INTS9: variants seen among roughly 807,000 people sequenced by gnomAD.
INTS9 encodes the protein protein related to CPSF subunits of 74 kDa.
A neutral mutation model predicts 79.7 loss-of-function variants in INTS9; 55 were observed. The ratio of observed to expected loss-of-function variants is 0.69; its 90% CI spans 0.56 to 0.86. The LOEUF (loss-of-function observed/expected upper bound fraction) is 0.86. INTS9 is among the 40% of genes least tolerant of loss of function. The probability of loss-of-function intolerance (pLI) is 0.00; values close to 1 mark genes in which losing one functional copy is unlikely to be tolerated. For synonymous variants in INTS9, 319 were observed against 325.2 expected, an observed-to-expected ratio of 0.98 and a Z score of 0.20; for missense variants, 721 against 831.5, an observed-to-expected ratio of 0.87 and a Z score of 1.64.
intron 8 of INTS9, among the ~76,000 whole-genome samples, chr8:28,807,759 G>A (rs563689036): frequency 3.3e-5 from 5 of 152,182 alleles, no homozygotes; most frequent in African/African-American, 9.7e-5. Flanking sequence ...TGCAGTAAGC[G>A]TGATGTTTAA....
At chr8:28,860,475 CTTT>C (rs769131992) in intron 1 of INTS9, among the ~76,000 whole-genome samples, 3 of 143,946 alleles carry the variant, frequency 2.1e-5, no homozygotes, top group African/African-American at 5.1e-5. Context: ...CCATTCTCTC[CTTT>C]TTTTTTTTTT....
chr8:28,876,966 GTCTTAT>G (rs1809427800), intron 1 of INTS9, among the ~76,000 whole-genome samples: 1 of 151,878 alleles, frequency 6.6e-6, no homozygotes, highest in Non-Finnish European at 1.5e-5. Context: ...GAAAAGACAT[GTCTTAT>G]TCTTAGACTC....
intron 1 of INTS9, among the ~76,000 whole-genome samples, chr8:28,882,392 T>C (rs1440735250): frequency 7.1e-6 from 1 of 140,576 alleles, no homozygotes; most frequent in Admixed American, 7.3e-5. Flanking sequence ...CTGCTGACCT[T>C]CCCTCCACTA....
At chr8:28,786,284 ATT>A (rs778149304) in intron 11 of INTS9, among the ~76,000 whole-genome samples, 16 of 143,318 alleles carry the variant, frequency 1.1e-4, no homozygotes, top group Non-Finnish European at 1.1e-4. Context: ...AAAATTTTAG[ATT>A]TTTTTTTTTT....
intron 4 of INTS9, among the ~76,000 whole-genome samples, chr8:28,846,334 T>C (rs1176717635): frequency 2.6e-5 from 4 of 151,608 alleles, no homozygotes; most frequent in South Asian, 4.1e-4. Flanking sequence ...ATATTCAATA[T>C]GGTATTTCAA....
chr8:28,772,858 TTA>T (rs1802630898), intron 14 of INTS9, among the ~76,000 whole-genome samples: 1 of 152,078 alleles, frequency 6.6e-6, no homozygotes, highest in Non-Finnish European at 1.5e-5. Flanking sequence ...CAGTGTATAC[TTA>T]TATAACTGGA....
chr8:28,834,362 C>G (rs1025168146), intron 6 of INTS9, among the ~76,000 whole-genome samples: 3 of 152,132 alleles, frequency 2.0e-5, no homozygotes, highest in Non-Finnish European at 4.4e-5. Flanking sequence ...TGGCCAACTT[C>G]ACACTCTCAA....
At position 28,835,235 on chromosome 8, in the gene INTS9, G is replaced by T. The variant is rs935704709; in HGVS notation, c.488+57C>A. ...ATAGAGGAAGAAATCAAATGAGACTGCTTTGCAAAGCACCTGGCTCTACAG... is the reference window on the plus strand; with the variant it reads ...ATAGAGGAAGAAATCAAATGAGACTTCTTTGCAAAGCACCTGGCTCTACAG... On this transcript the variant is annotated intron_variant, in intron 6 of 16. Coordinates refer to ENST00000521022, the MANE Select transcript of INTS9 (RefSeq NM_018250.4). The T allele has an allele frequency of 1.0e-5, 12 of 1,148,062 alleles. No homozygotes were observed. The Admixed American group carries it at 2.4e-4, about 23-fold the overall frequency. The allele number at this position is 1,148,062 out of a possible 1,614,324, so 71.1% of individuals were successfully genotyped here.
At chr8:28,820,137 A>G (rs1289375787) in intron 6 of INTS9, among the ~76,000 whole-genome samples, 2 of 152,190 alleles carry the variant, frequency 1.3e-5, no homozygotes, top group African/African-American at 4.8e-5. Flanking sequence ...TAATTGGAGC[A>G]TTTAGTCCAT....
At chr8:28,800,125 C>T (rs925351623) in intron 8 of INTS9, among the ~76,000 whole-genome samples, 3 of 152,158 alleles carry the variant, frequency 2.0e-5, no homozygotes, top group African/African-American at 7.2e-5. Flanking sequence ...TCTGAAGCTC[C>T]GTGAAGGCAA....
At chr8:28,844,042 C>T (rs541961998) in intron 4 of INTS9, among the ~76,000 whole-genome samples, 4 of 152,184 alleles carry the variant, frequency 2.6e-5, no homozygotes, top group Non-Finnish European at 4.4e-5. Context: ...GAACTGCTCA[C>T]ATGGAGATGA....
Position 28,775,750 on chromosome 8 carries a change from A to G in INTS9, c.1563+9T>C. The G allele has an allele frequency of 6.2e-7, 1 of 1,613,928 alleles. No homozygotes were observed. ...CTCTAGTTTAACCCTAGGAAGGAGA[A>G]CAGCTCACCTCTGGCATGATCTCGA... On this transcript the variant is annotated intron_variant, in intron 14 of 16. Coordinates refer to ENST00000521022, the MANE Select transcript of INTS9 (RefSeq NM_018250.4).
intron 11 of INTS9, among the ~76,000 whole-genome samples, chr8:28,782,897 C>T (rs1024043759): frequency 6.6e-6 from 1 of 152,174 alleles, no homozygotes; most frequent in Non-Finnish European, 1.5e-5. Context: ...AAAAAACCCC[C>T]AGCACTTTGG....
intron 14 of INTS9, among the ~76,000 whole-genome samples, chr8:28,772,764 A>G (rs1231818922): frequency 2.0e-5 from 3 of 151,674 alleles, no homozygotes; most frequent in South Asian, 2.1e-4. Flanking sequence ...CAGAGATCTC[A>G]CCACTGCACT....
At chr8:28,813,270 TC>T (rs1329545771) in intron 7 of INTS9, among the ~76,000 whole-genome samples, 1 of 152,118 alleles carries the variant, frequency 6.6e-6, no homozygotes, top group Non-Finnish European at 1.5e-5. Context: ...TTCTCCGGAC[TC>T]CCTGCACGCT....
chr8:28,796,299 ACT>A (rs2130968048), intron 9 of INTS9, among the ~76,000 whole-genome samples: 1 of 152,166 alleles, frequency 6.6e-6, no homozygotes, highest in South Asian at 2.1e-4. Flanking sequence ...GACAGAGAAG[ACT>A]CTGTCTCAAA....
chr8:28,778,040 C>A, intron 12 of INTS9, 87 bp from the exon 13 acceptor site: 1 of 1,411,322 alleles, frequency 7.1e-7, no homozygotes, highest in African/African-American at 1.5e-5. Flanking sequence ...TGAGGGCCCA[C>A]AGACAGTCAG....
At chr8:28,879,958 G>A (rs1331075609) in intron 1 of INTS9, among the ~76,000 whole-genome samples, 3 of 152,004 alleles carry the variant, frequency 2.0e-5, no homozygotes, top group Non-Finnish European at 4.4e-5. Context: ...GGATCGTGGT[G>A]AATGAGGCAC....
intron 10 of INTS9, among the ~76,000 whole-genome samples, chr8:28,788,665 C>T (rs1372241709): frequency 6.6e-6 from 1 of 152,166 alleles, no homozygotes; most frequent in Non-Finnish European, 1.5e-5. Context: ...GTGATCCACC[C>T]GCCTCGGCCT....
Sources: gnomAD v4.1 joint callset for allele counts (sites outside exome capture counted in the v4.1 genomes callset) on GRCh38, gnomAD v4.1.1 for gene constraint, MANE v1.5 for transcripts, NCBI Gene and HGNC (gene_info 2026-07-23, HGNC 2026-07-21) for gene names.